The following RNF220 variants were observed in gnomAD, a reference collection of about 807,000 sequenced individuals.
RNF220 encodes the protein E3 ubiquitin-protein ligase RNF220.
A neutral mutation model predicts 67.1 loss-of-function variants in RNF220; 7 were observed. The ratio of observed to expected loss-of-function variants is 0.10; its 90% confidence interval spans 0.06 to 0.20. RNF220 has a LOEUF of 0.20. RNF220 is among the 10% of genes least tolerant of loss of function. The pLI, the probability that RNF220 is intolerant of heterozygous loss-of-function variation, is 1.00. For missense variants in RNF220, 565 were observed against 740.3 expected (o/e 0.76, Z 2.75); for synonymous variants, 270 against 283.2 (o/e 0.95, Z 0.47).
intron 2 of RNF220, among the ~76,000 whole-genome samples, chr1:44,526,502 T>G (rs1660387286): frequency 6.6e-6 from 1 of 152,160 alleles, no homozygotes; most frequent in Admixed American, 6.5e-5. Flanking sequence ...GTGTCCTGAC[T>G]CAGTACTACT....
intron 2 of RNF220, among the ~76,000 whole-genome samples, chr1:44,500,771 T>C (rs555939334): frequency 6.6e-6 from 1 of 152,014 alleles, no homozygotes; most frequent in African/African-American, 2.4e-5. Context: ...TTGCCGCTGC[T>C]GCTGAGGGAG....
chr1:44,525,684 C>T (rs1660314618), intron 2 of RNF220, among the ~76,000 whole-genome samples: 1 of 152,184 alleles, frequency 6.6e-6, no homozygotes, highest in African/African-American at 2.4e-5. Context: ...AACGTTGGCA[C>T]TCAGTATCTC....
chr1:44,634,479 T>C (rs939164774), intron 6 of RNF220, among the ~76,000 whole-genome samples: 2 of 152,188 alleles, frequency 1.3e-5, no homozygotes, highest in African/African-American at 2.4e-5. Flanking sequence ...CCCTCCTAGA[T>C]TGCATTCATG....
At chr1:44,493,530 A>T (rs992026023) in intron 2 of RNF220, among the ~76,000 whole-genome samples, 7 of 136,090 alleles carry the variant, frequency 5.1e-5, no homozygotes, top group Admixed American at 1.4e-4. Context: ...ATAAATAAAT[A>T]AAATAAATAA....
intron 2 of RNF220, among the ~76,000 whole-genome samples, chr1:44,587,366 C>T (rs1049474609): frequency 6.6e-6 from 1 of 152,074 alleles, no homozygotes; most frequent in African/African-American, 2.4e-5. Context: ...AGGCTGGTCT[C>T]AAACTCCTGA....
In RNF220 at chr1:44,649,204, C is replaced by T. The variant is rs564346909; in HGVS notation, c.1446-457C>T. 3.6e-5 allele frequency: 7 copies of T among 193,658 alleles called. No individual in the cohort carries two copies. The highest frequency in any genetic ancestry group is 8.4e-5 in the South Asian group (1 of 11,930). 12.0% of individuals were successfully genotyped at this position (193,658 alleles called of 1,614,324 possible). On this transcript the variant is annotated intron_variant, in intron 12 of 14. Coordinates refer to ENST00000361799, the MANE Select transcript of RNF220 (RefSeq NM_018150.4). This position sits in a 1 kb window ranked among gnomAD's most constrained non-coding sequence, Gnocchi z 5.9. Reference sequence around the variant, plus strand: ...CATTGGAATGTTGGAAGTCACACCACGAGAGATTTGCTTTGAGAACATAAA... The same window carrying T: ...CATTGGAATGTTGGAAGTCACACCATGAGAGATTTGCTTTGAGAACATAAA...
At chr1:44,580,357 T>C (rs1207673272) in intron 2 of RNF220, among the ~76,000 whole-genome samples, 1 of 152,024 alleles carries the variant, frequency 6.6e-6, no homozygotes, top group African/African-American at 2.4e-5. Flanking sequence ...ATATTTGAAA[T>C]CGGGTCATGT....
chr1:44,468,499 C>T (rs12129422), intron 2 of RNF220, among the ~76,000 whole-genome samples: 5,798 of 152,206 alleles, frequency 0.038, 138 homozygotes, highest in South Asian at 0.11. Context: ...GGAAGATATA[C>T]AAGAAACTTT....
chr1:44,554,162 A>G (rs904108942), intron 2 of RNF220, among the ~76,000 whole-genome samples: 1 of 152,110 alleles, frequency 6.6e-6, no homozygotes, highest in Non-Finnish European at 1.5e-5. Flanking sequence ...AAGCGAACAG[A>G]TATCTCTCTG....
chr1:44,552,352 T>C (rs904078698), intron 2 of RNF220, among the ~76,000 whole-genome samples: 2 of 150,640 alleles, frequency 1.3e-5, no homozygotes, highest in African/African-American at 4.9e-5. Flanking sequence ...ACAAAAAAAA[T>C]AGAAAAAGCT....
At position 44,626,300 on chromosome 1, in the gene RNF220, C is replaced by G; in HGVS notation, c.808C>G (p.Leu270Val). ...DAMAPGTPKS[L>V]LLSASIKREG... ...CATGTCTTTTTTCTTCTTCCAGTCCCTCCTGTTGTCTGCTTCCATCAAGAG... is the reference window on the plus strand; with the variant it reads ...CATGTCTTTTTTCTTCTTCCAGTCCGTCCTGTTGTCTGCTTCCATCAAGAG... The change falls in exon 5 of 15, where the codon CTC (leucine) becomes GTC (valine). Residue 270 changes from leucine to valine, a missense_variant. By Grantham distance (32) the Leu-to-Val change is conservative (BLOSUM62 1). Coordinates refer to ENST00000361799, the MANE Select transcript of RNF220 (RefSeq NM_018150.4). 1 of 1,613,776 alleles carries G rather than the reference C, an allele frequency of 6.2e-7. No homozygotes were observed. Among genetic ancestry groups the G allele is most frequent in the South Asian group, 1.1e-5 (1 of 91,068 alleles).
intron 2 of RNF220, among the ~76,000 whole-genome samples, chr1:44,479,246 G>C (rs935025198): frequency 2.0e-5 from 3 of 151,900 alleles, no homozygotes; most frequent in Non-Finnish European, 4.4e-5. Flanking sequence ...CTCCCGAGTA[G>C]CTGGGACTAC....
intron 2 of RNF220, among the ~76,000 whole-genome samples, chr1:44,577,151 T>G (rs188496213): frequency 1.3e-5 from 2 of 152,300 alleles, no homozygotes; most frequent in Admixed American, 1.3e-4. Context: ...TCACTCTACA[T>G]TCCAATAATC....
chr1:44,448,315 C>T (rs915842731), intron 2 of RNF220, among the ~76,000 whole-genome samples: 2 of 152,168 alleles, frequency 1.3e-5, no homozygotes, highest in African/African-American at 4.8e-5. Flanking sequence ...AGTAAATCGA[C>T]ATTCTGGTTT....
At chr1:44,620,843 T>A (rs1404313234) in intron 3 of RNF220, among the ~76,000 whole-genome samples, 1 of 152,140 alleles carries the variant, frequency 6.6e-6, no homozygotes, top group Non-Finnish European at 1.5e-5. Flanking sequence ...GGTGTCCATA[T>A]CTACGCATGT....
At chr1:44,572,344 A>G (rs1232618863) in intron 2 of RNF220, among the ~76,000 whole-genome samples, 1 of 152,204 alleles carries the variant, frequency 6.6e-6, no homozygotes, top group African/African-American at 2.4e-5. Flanking sequence ...GTGCTCTTGA[A>G]TATTTGTTGC....
At chr1:44,568,563 C>A (rs1380148259) in intron 2 of RNF220, among the ~76,000 whole-genome samples, 1 of 152,174 alleles carries the variant, frequency 6.6e-6, no homozygotes, top group African/African-American at 2.4e-5. Flanking sequence ...TGAAGAAAGA[C>A]CCTAGAGAAA....
At chr1:44,517,573 C>T (rs1300323027) in intron 2 of RNF220, among the ~76,000 whole-genome samples, 1 of 151,878 alleles carries the variant, frequency 6.6e-6, no homozygotes, top group African/African-American at 2.4e-5. Context: ...CATTTATTTG[C>T]CTGTTTAGTT....
intron 5 of RNF220, 111 bp from the exon 6 acceptor site, chr1:44,632,232 G>A (rs1332850278): frequency 2.5e-6 from 4 of 1,612,814 alleles, no homozygotes; most frequent in Non-Finnish European, 2.5e-6. Flanking sequence ...CGGGCTGTTT[G>A]GGGCGGAGCA....
Sources: gnomAD v4.1 joint callset for allele counts (sites outside exome capture counted in the v4.1 genomes callset) on GRCh38, gnomAD v4.1.1 for gene constraint, Gnocchi (gnomAD v3.1) non-coding constraint, MANE v1.5 for transcripts, NCBI Gene and HGNC (gene_info 2026-07-23, HGNC 2026-07-21) for gene names.